Variants in C1orf87 observed in about 807,000 individuals in gnomAD.
C1orf87 encodes uncharacterized protein C1orf87.
Under a neutral mutation model 60.5 loss-of-function variants are expected in C1orf87, and 58 were observed. The ratio of observed to expected loss-of-function variants is 0.96; its 90% CI spans 0.78 to 1.19. The LOEUF is 1.19. C1orf87 is among the 50% of genes most tolerant of loss of function. The probability of loss-of-function intolerance (pLI) is 0.00; values close to 1 mark genes in which losing one functional copy is unlikely to be tolerated. For missense variants in C1orf87, 673 were observed against 638.6 expected, an observed-to-expected ratio of 1.05 and a Z score of -0.58; for synonymous variants, 236 against 227.4, an observed-to-expected ratio of 1.04 and a Z score of -0.34.
chr1:60,056,403 G>A (rs553719231), intron 2 of C1orf87, among the ~76,000 whole-genome samples: 1 of 152,118 alleles, frequency 6.6e-6, no homozygotes. Context: ...TAAAGCATGT[G>A]TATTAAGGAG....
At chr1:60,040,590 C>T (rs1037830682) in intron 4 of C1orf87, among the ~76,000 whole-genome samples, 1 of 152,020 alleles carries the variant, frequency 6.6e-6, no homozygotes, top group Non-Finnish European at 1.5e-5. Context: ...GCATAATGGC[C>T]CTTCCTGAGC....
At chr1:60,003,188 G>T (rs1232929247) in intron 9 of C1orf87, among the ~76,000 whole-genome samples, 12 of 148,746 alleles carry the variant, frequency 8.1e-5, no homozygotes, top group Non-Finnish European at 1.3e-4. Flanking sequence ...GGATGAAATT[G>T]GAAATCATCA....
chr1:59,997,625 A>G lies in C1orf87; in HGVS notation c.1464T>C (p.Cys488=). The change falls in exon 11 of 12, where the codon TGT becomes TGC. Residue 488 remains cysteine, a synonymous_variant. Transcript: ENST00000371201. ...FRKLENALYL[C]DLSNTGVLEK... ...ATACTTCACCTGTGTTACTCAGATCACACAGGTAGAGGGCATTTTCCAGCT... is the reference window on the plus strand; with the variant it reads ...ATACTTCACCTGTGTTACTCAGATCGCACAGGTAGAGGGCATTTTCCAGCT... 1 of 1,613,882 alleles carries G rather than the reference A, an allele frequency of 6.2e-7. No homozygotes were observed. Among genetic ancestry groups the G allele is most frequent in the Non-Finnish European group, 8.5e-7 (1 of 1,179,814 alleles).
At chr1:60,066,450 A>G (rs1332360438) in intron 2 of C1orf87, among the ~76,000 whole-genome samples, 1 of 152,188 alleles carries the variant, frequency 6.6e-6, no homozygotes, top group Non-Finnish European at 1.5e-5. Context: ...TTGCTCATCT[A>G]TAAGAAGCAA....
chr1:60,043,754 A>G (rs1056316034), intron 3 of C1orf87, among the ~76,000 whole-genome samples: 14 of 151,000 alleles, frequency 9.3e-5, no homozygotes, highest in African/African-American at 2.9e-4. Flanking sequence ...TATTTGCAAT[A>G]TAAAATATTT....
intron 3 of C1orf87, 72 bp downstream of exon 3, chr1:60,055,132 G>A (rs1645443777): frequency 5.4e-6 from 7 of 1,297,224 alleles, no homozygotes; most frequent in Non-Finnish European, 7.7e-6. Context: ...GTGTTTTTGT[G>A]TGAACCTATG....
intron 1 of C1orf87, among the ~76,000 whole-genome samples, chr1:60,073,240 G>T (rs537189949): frequency 2.8e-4 from 42 of 152,280 alleles, no homozygotes; most frequent in African/African-American, 8.9e-4. Flanking sequence ...ACAATACAAT[G>T]AATCTGAAAT....
chr1:60,017,616 T>C (rs1645132897), intron 8 of C1orf87, among the ~76,000 whole-genome samples: 1 of 152,198 alleles, frequency 6.6e-6, no homozygotes, highest in Admixed American at 6.6e-5. Flanking sequence ...CTCTCTGCCC[T>C]CCTTAATTAC....
intron 9 of C1orf87, among the ~76,000 whole-genome samples, chr1:60,003,496 A>G (rs1054974323): frequency 2.6e-5 from 4 of 152,146 alleles, no homozygotes; most frequent in Admixed American, 6.6e-5. Flanking sequence ...AAAAAAAAAG[A>G]AAGTGTAAAG....
intron 7 of C1orf87, among the ~76,000 whole-genome samples, chr1:60,031,478 C>CCAGA (rs1645237537): frequency 6.6e-6 from 1 of 152,126 alleles, no homozygotes; most frequent in Non-Finnish European, 1.5e-5. Flanking sequence ...GCCCTGATAA[C>CCAGA]CAGACCTCAA....
At chr1:60,068,102 C>A (rs1645560990) in intron 2 of C1orf87, among the ~76,000 whole-genome samples, 1 of 152,052 alleles carries the variant, frequency 6.6e-6, no homozygotes, top group African/African-American at 2.4e-5. Context: ...TCTACTGCCC[C>A]CACCTTTAGC....
intron 2 of C1orf87, among the ~76,000 whole-genome samples, chr1:60,067,408 C>G (rs1251603572): frequency 6.6e-6 from 1 of 152,068 alleles, no homozygotes; most frequent in African/African-American, 2.4e-5. Flanking sequence ...GATTGCCATT[C>G]TAACTGGTGT....
Position 60,010,371 on chromosome 1 carries a change from CA to C in C1orf87, c.1192+20del, listed in dbSNP as rs1277543011. 5.0e-6 allele frequency: 8 copies of C among 1,605,884 alleles called. No individual in the cohort carries two copies. Among genetic ancestry groups the C allele is most frequent in the Admixed American group, 1.7e-5 (1 of 59,664 alleles). On this transcript the variant is annotated intron_variant, in intron 9 of 11. Transcript: ENST00000371201. ...TGAAAAATGGAAGGTCTCTCTGGAG[CA>C]AAAAAATAATGGAACTCACCTGTAG...
chr1:60,025,638 T>C (rs897980442), intron 7 of C1orf87, 140 bp from the exon 8 acceptor site: 1 of 632,174 alleles, frequency 1.6e-6, no homozygotes. Flanking sequence ...CAGGAGTACA[T>C]TCTACCATTG....
chr1:60,060,950 G>A (rs949378442), intron 2 of C1orf87, among the ~76,000 whole-genome samples: 4 of 152,052 alleles, frequency 2.6e-5, no homozygotes, highest in South Asian at 2.1e-4. Context: ...CTCCTGTTTC[G>A]CTTTTGCAAG....
chr1:60,002,414 G>T (rs1028037859), intron 9 of C1orf87, among the ~76,000 whole-genome samples: 3 of 152,130 alleles, frequency 2.0e-5, no homozygotes, highest in Admixed American at 6.5e-5. Context: ...GTGTTTTTTG[G>T]CTGCATAAAT....
At chr1:60,057,788 G>T (rs2100322271) in intron 2 of C1orf87, among the ~76,000 whole-genome samples, 1 of 152,306 alleles carries the variant, frequency 6.6e-6, no homozygotes, top group South Asian at 2.1e-4. Flanking sequence ...AGGGCAGATG[G>T]TTTGGGACAG....
intron 10 of C1orf87, among the ~76,000 whole-genome samples, chr1:59,998,445 TA>T (rs1251113208): frequency 3.1e-5 from 4 of 131,056 alleles, no homozygotes; most frequent in African/African-American, 1.1e-4. Flanking sequence ...ATTGCCAGTA[TA>T]AAATAGAGGT....
chr1:60,040,715 G>A (rs562072441), intron 4 of C1orf87, among the ~76,000 whole-genome samples: 3 of 151,964 alleles, frequency 2.0e-5, no homozygotes, highest in Non-Finnish European at 4.4e-5. Context: ...CTGGATAAAC[G>A]AAGTCTGGTG....
Sources: gnomAD v4.1 joint callset for allele counts (sites outside exome capture counted in the v4.1 genomes callset) on GRCh38, gnomAD v4.1.1 for gene constraint, MANE v1.5 for transcripts, NCBI Gene and HGNC (gene_info 2026-07-23, HGNC 2026-07-21) for gene names.